POLB: variants seen among roughly 807,000 people sequenced by gnomAD.
POLB encodes DNA polymerase beta, also known as 5'-dRP lyase.
POLB carries 37 observed loss-of-function variants against 52.7 expected under a neutral mutation model. The observed-to-expected ratio is 0.70, with a 90% CI of 0.54 to 0.92. The LOEUF (loss-of-function observed/expected upper bound fraction) is 0.92, where lower values mean the gene tolerates loss of function less well. POLB is among the 40% of genes least tolerant of loss of function. POLB has a pLI of 0.00. For missense variants in POLB, 313 were observed against 400.8 expected (o/e 0.78, Z 1.87); for synonymous variants, 138 against 131.3 (o/e 1.05, Z -0.35).
chr8:42,358,700 A>G (rs1311982827), intron 9 of POLB, among the ~76,000 whole-genome samples: 1 of 152,094 alleles, frequency 6.6e-6, no homozygotes, highest in Admixed American at 6.6e-5. Flanking sequence ...GAGAGAGAAA[A>G]CTAAATCCAT....
chr8:42,339,206 C>A, intron 2 of POLB, 137 bp downstream of exon 2: 1 of 708,160 alleles, frequency 1.4e-6, no homozygotes, highest in South Asian at 1.6e-5. Context: ...AGGCTGGTAC[C>A]TTACTATTTC....
chr8:42,352,565 G>C lies in POLB; in HGVS notation c.367G>C (p.Glu123Gln). The stretch of plus-strand genomic sequence containing the variant: ...TGTAGATGAAGGAATTAAAACACTA[G>C]AAGGTGAGTATGACTGTAGGTCACT... ...KFVDEGIKTL[E>Q]DLRKNEDKLN... Residue 123 changes from glutamate to glutamine, a missense_variant, in exon 6 of 14, where the codon GAA becomes CAA. This residue lies in a region of POLB where 246 missense variants were observed against 297.6 expected (regional missense o/e 0.83). Transcript: ENST00000265421. 1.3e-6 allele frequency: 2 copies of C among 1,576,176 alleles called. No homozygotes were observed. The highest frequency in any genetic ancestry group is 8.7e-7 in the Non-Finnish European group (1 of 1,145,490).
At position 42,353,396 on chromosome 8, in the gene POLB, C is replaced by T. The variant is rs1025788101; in HGVS notation, c.370+828C>T. Among the ~76,000 whole-genome samples the T allele has an allele frequency of 3.3e-5, 5 of 151,850 alleles. No individual in the cohort carries two copies. The East Asian group carries it at 9.7e-4, about 29-fold the overall frequency. On this transcript the variant is annotated intron_variant, in intron 6 of 13. Coordinates refer to ENST00000265421, the MANE Select transcript of POLB (RefSeq NM_002690.3). Reference sequence around the variant, plus strand: ...GTGCTGGGATTACAGGCGTGAGCCACCGCGCCTGGCCCCCTTTATTTCTTT... The same window carrying T: ...GTGCTGGGATTACAGGCGTGAGCCATCGCGCCTGGCCCCCTTTATTTCTTT...
At chr8:42,353,615 A>G (rs1040961643) in intron 6 of POLB, among the ~76,000 whole-genome samples, 6 of 152,172 alleles carry the variant, frequency 3.9e-5, no homozygotes, top group Non-Finnish European at 8.8e-5. Context: ...TTATCTCTTT[A>G]TACTTTTCAT....
Position 42,340,928 on chromosome 8 carries a change from T to C in POLB, c.119+1859T>C, listed in dbSNP as rs568815296. Among the ~76,000 whole-genome samples, 10 of 152,328 alleles carry C rather than the reference T, an allele frequency of 6.6e-5. No individual in the cohort carries two copies. The South Asian group carries it at 2.1e-3, about 32-fold the overall frequency. On this transcript the variant is annotated intron_variant, in intron 2 of 13. Coordinates refer to ENST00000265421, the MANE Select transcript of POLB (RefSeq NM_002690.3). ...CACAGCAGGTCTCAGAAAGGAGGTG[T>C]TTAGTTTGAAGAAGCTCATCGGGAT...
At chr8:42,366,077 G>C (rs1824018350) in intron 11 of POLB, among the ~76,000 whole-genome samples, 2 of 151,650 alleles carry the variant, frequency 1.3e-5, no homozygotes, top group Non-Finnish European at 2.9e-5. Context: ...TCCAGCCCTG[G>C]CGACAGAGCA....
intron 5 of POLB, 98 bp downstream of exon 5, chr8:42,350,163 C>T: frequency 3.7e-6 from 3 of 814,948 alleles, no homozygotes; most frequent in Admixed American, 3.5e-5. Flanking sequence ...CTGTACTTCA[C>T]CACCTCTGTA....
intron 11 of POLB, chr8:42,368,988 G>A (rs530595810): frequency 3.4e-5 from 8 of 234,276 alleles, no homozygotes; most frequent in African/African-American, 1.4e-4. Flanking sequence ...TCTGTGTTTC[G>A]TGTTCAGGGT....
intron 10 of POLB, among the ~76,000 whole-genome samples, chr8:42,362,121 G>A (rs1464084737): frequency 4.6e-5 from 7 of 152,110 alleles, no homozygotes; most frequent in South Asian, 2.1e-4. Flanking sequence ...TTAACCAGGC[G>A]TGGTGGTGCG....
At chr8:42,366,905 C>T (rs1432770449) in intron 11 of POLB, among the ~76,000 whole-genome samples, 1 of 152,126 alleles carries the variant, frequency 6.6e-6, no homozygotes, top group East Asian at 1.9e-4. Context: ...TGCACAACTT[C>T]AAAGATAATG....
intron 13 of POLB, among the ~76,000 whole-genome samples, chr8:42,371,112 G>C (rs1244061400): frequency 6.6e-6 from 1 of 152,154 alleles, no homozygotes; most frequent in African/African-American, 2.4e-5. Flanking sequence ...TCCTGGGAGA[G>C]GATAGAGGTA....
chr8:42,342,223 C>T, intron 2 of POLB: 1 of 1,548,838 alleles, frequency 6.5e-7, no homozygotes, highest in Admixed American at 1.7e-5. Context: ...AAGCACCTGG[C>T]TGACCATCAA....
In POLB at chr8:42,357,155, T is replaced by G. The variant is rs1354738251; in HGVS notation, c.423-14T>G. 1 of 1,430,322 alleles carries G rather than the reference T, an allele frequency of 7.0e-7. No homozygotes were observed. The highest frequency in any genetic ancestry group is 1.2e-5 in the South Asian group (1 of 83,062). 88.6% of individuals were successfully genotyped at this position (1,430,322 alleles called of 1,614,324 possible). A position where few individuals can be genotyped will look rare whatever the true frequency, so the allele number is the denominator to read the frequency against. ...TTTACGAAAATCTTTTGTCTACTTA[T>G]TCTGTCTTTATAGATATTTTGGGGA... On this transcript the variant is annotated splice_polypyrimidine_tract_variant and intron_variant, in intron 7 of 13. Coordinates refer to ENST00000265421, the MANE Select transcript of POLB (RefSeq NM_002690.3).
chr8:42,352,577 G>T lies in POLB; in HGVS notation c.370+9G>T, dbSNP rs912331533. Reference sequence around the variant, plus strand: ...AATTAAAACACTAGAAGGTGAGTATGACTGTAGGTCACTAATTCCAGATTA... The same window carrying T: ...AATTAAAACACTAGAAGGTGAGTATTACTGTAGGTCACTAATTCCAGATTA... On this transcript the variant is annotated intron_variant, in intron 6 of 13. Transcript: ENST00000265421. The T allele has an allele frequency of 6.6e-7, 1 of 1,525,852 alleles. No homozygotes were observed. The highest frequency in any genetic ancestry group is 1.7e-5 in the Admixed American group (1 of 59,910). The allele number at this position is 1,525,852 out of a possible 1,614,324, so 94.5% of individuals were successfully genotyped here.
At chr8:42,345,298 C>T (rs1170376002) in intron 3 of POLB, among the ~76,000 whole-genome samples, 1 of 152,172 alleles carries the variant, frequency 6.6e-6, no homozygotes, top group African/African-American at 2.4e-5. Context: ...CGTTGAATTT[C>T]AACTTGAGTG....
rs75422254 is a variant in POLB at position 42,362,263 on chromosome 8, T to A, written c.622-349T>A. On this transcript the variant is annotated intron_variant, in intron 10 of 13. Coordinates refer to ENST00000265421, the MANE Select transcript of POLB (RefSeq NM_002690.3). Reference sequence around the variant, plus strand: ...AACAGAACGAGACTCCATCTAAAAATAAAATAAAATAAAATAAAATAAAAT... The same window carrying A: ...AACAGAACGAGACTCCATCTAAAAAAAAAATAAAATAAAATAAAATAAAAT... Among the ~76,000 whole-genome samples, 306 of 83,756 alleles carry A rather than the reference T, an allele frequency of 3.7e-3. 5 individuals are homozygous for A. Among genetic ancestry groups the A allele is most frequent in the African/African-American group, 0.035 (172 of 4,912 alleles). The allele number at this position is 83,756 out of a possible 152,430, so 54.9% of individuals were successfully genotyped here.
In POLB at chr8:42,357,323, A is replaced by G. The variant is rs757539674; in HGVS notation, c.481A>G (p.Ile161Val). The G allele has an allele frequency of 1.3e-6, 2 of 1,539,328 alleles. No individual in the cohort carries two copies. The highest frequency in any genetic ancestry group is 1.8e-6 in the Non-Finnish European group (2 of 1,112,640). Residue 161 changes from isoleucine to valine, a missense_variant, in exon 9 of 14, where the codon ATT becomes GTT. By Grantham distance (29) the Ile-to-Val change is conservative. Transcript: ENST00000265421. ...GACTTAATTTTTCTTCTATTAGGATATTGTACTAAATGAAGTTAAAAAAGT... is the reference window on the plus strand; with the variant it reads ...GACTTAATTTTTCTTCTATTAGGATGTTGTACTAAATGAAGTTAAAAAAGT... ...PREEMLQMQD[I>V]VLNEVKKVDS... is the part of the protein sequence containing the mutation.
chr8:42,369,456 C>A, intron 12 of POLB, 121 bp downstream of exon 12: 1 of 602,782 alleles, frequency 1.7e-6, no homozygotes, highest in Non-Finnish European at 3.0e-6. Flanking sequence ...TCCCAAGAGC[C>A]ATATGTTCTT....
At position 42,361,211 on chromosome 8, in the gene POLB, C is replaced by T. The variant is rs3136769; in HGVS notation, c.551-84C>T. The T allele has an allele frequency of 8.0e-3, 7,150 of 898,866 alleles. 296 individuals are homozygous for T. In the African/African-American group the frequency reaches 0.096, roughly 12 times the overall value. The allele number at this position is 898,866 out of a possible 1,614,324, so 55.7% of individuals were successfully genotyped here. Reference sequence around the variant, plus strand: ...AAGTTAGGCTGTAAGAAGTAAGGCTCTTCTGTGTGTCATCAGCTTGGTTCC... The same window carrying T: ...AAGTTAGGCTGTAAGAAGTAAGGCTTTTCTGTGTGTCATCAGCTTGGTTCC... On this transcript the variant is annotated intron_variant, in intron 9 of 13. Transcript: ENST00000265421.
Sources: allele counts gnomAD v4.1 joint callset (sites outside exome capture counted in the v4.1 genomes callset), GRCh38; gene constraint gnomAD v4.1.1; regional missense constraint gnomAD v4.1.1; transcripts MANE v1.5; gene names NCBI Gene and HGNC (gene_info 2026-07-23, HGNC 2026-07-21).